APOLD1: variants seen among roughly 807,000 people sequenced by gnomAD.
APOLD1 encodes the protein apolipoprotein L domain containing 1, also known as apolipoprotein L domain-containing protein 1.
Under a neutral mutation model 15.3 loss-of-function variants are expected in APOLD1, and 22 were observed. The observed-to-expected ratio is 1.44, with a 90% CI of 1.03 to 2.05. The LOEUF (loss-of-function observed/expected upper bound fraction) is 2.05. Ranked by LOEUF, APOLD1 falls within the 30% of genes most tolerant of loss-of-function variation. The pLI is 0.00. For missense variants in APOLD1, 394 were observed against 353.5 expected, an observed-to-expected ratio of 1.11 and a Z score of -0.92; for synonymous variants, 190 against 167.4, an observed-to-expected ratio of 1.13 and a Z score of -1.04.
chr12:12,778,346 G>A (rs1288469255), intron 1 of APOLD1, among the ~76,000 whole-genome samples: 1 of 151,392 alleles, frequency 6.6e-6, no homozygotes, highest in Non-Finnish European at 1.5e-5. Context: ...TTGAGACAGG[G>A]TCTCAGTCTG....
At chr12:12,732,890 CA>C (rs2136368590) in intron 1 of APOLD1, among the ~76,000 whole-genome samples, 1 of 151,922 alleles carries the variant, frequency 6.6e-6, no homozygotes, top group Admixed American at 6.6e-5. Flanking sequence ...AAAGAGTAAA[CA>C]ACCAAATAAA....
chr12:12,754,620 G>C (rs991159315), intron 1 of APOLD1, among the ~76,000 whole-genome samples: 6 of 151,990 alleles, frequency 3.9e-5, no homozygotes, highest in Admixed American at 2.0e-4. Context: ...TAGTAGAGAC[G>C]GGGTTTTACC....
At chr12:12,777,912 T>G (rs956714171) in intron 1 of APOLD1, among the ~76,000 whole-genome samples, 8 of 135,936 alleles carry the variant, frequency 5.9e-5, no homozygotes, top group South Asian at 2.4e-4. Context: ...TTTTTTTTTT[T>G]TTTTTTTTTT....
chr12:12,726,216 C>T, intron 1 of APOLD1: 2 of 735,878 alleles, frequency 2.7e-6, no homozygotes, highest in Non-Finnish European at 4.4e-6. Flanking sequence ...TTTCAACCGC[C>T]ACTCAGAACC....
intron 1 of APOLD1, among the ~76,000 whole-genome samples, chr12:12,765,027 A>G (rs1336901281): frequency 6.6e-6 from 1 of 152,094 alleles, no homozygotes; most frequent in African/African-American, 2.4e-5. Context: ...ATTTCCAGCC[A>G]TGTAGAGGAA....
At position 12,787,531 on chromosome 12, in the gene APOLD1, G is replaced by GC; in HGVS notation, c.627dup (p.Thr210HisfsTer32). On this transcript the variant is annotated frameshift_variant, in exon 2 of 2. Transcript: ENST00000356591. LOFTEE classifies it high-confidence loss of function. This position sits in a 1 kb window ranked among gnomAD's most constrained non-coding sequence, Gnocchi z 4.9. The stretch of plus-strand genomic sequence containing the variant: ...AAACTGGCCGAGAGCCTGGAGTCCT[G>GC]CACCGGGGCTCTGGACGAACTCAGC... 6.2e-7 allele frequency: 1 copy of GC among 1,613,952 alleles called. No individual in the cohort carries two copies. Among genetic ancestry groups the GC allele is most frequent in the East Asian group, 2.2e-5 (1 of 44,888 alleles).
chr12:12,742,001 C>T (rs964048301), intron 1 of APOLD1, among the ~76,000 whole-genome samples: 14 of 152,026 alleles, frequency 9.2e-5, no homozygotes, highest in Non-Finnish European at 1.3e-4. Context: ...ACTTTCTGCC[C>T]GATTAAAAGA....
At chr12:12,782,630 G>A (rs57970886), upstream of APOLD1, among the ~76,000 whole-genome samples, 88 of 152,270 alleles carry the variant, frequency 5.8e-4, 1 homozygote, top group East Asian at 0.016. Flanking sequence ...TGGTGCCATT[G>A]CACTCCCACT....
chr12:12,730,639 C>T (rs1328798851), intron 1 of APOLD1, among the ~76,000 whole-genome samples: 1 of 144,524 alleles, frequency 6.9e-6, no homozygotes, highest in African/African-American at 2.6e-5. Context: ...TGAGATCATG[C>T]CATTGTGCTC....
At chr12:12,749,792 G>A (rs1486333905) in intron 1 of APOLD1, among the ~76,000 whole-genome samples, 2 of 152,186 alleles carry the variant, frequency 1.3e-5, no homozygotes, top group Non-Finnish European at 2.9e-5. Flanking sequence ...ACTGTGGAGT[G>A]TACTTTCGTT....
At chr12:12,750,944 T>G (rs1946808685) in intron 1 of APOLD1, among the ~76,000 whole-genome samples, 2 of 149,276 alleles carry the variant, frequency 1.3e-5, no homozygotes, top group African/African-American at 4.9e-5. Flanking sequence ...CTGGCTAATT[T>G]TTTTTTTTTT....
chr12:12,766,343 C>T (rs1946942554), intron 1 of APOLD1, among the ~76,000 whole-genome samples: 1 of 152,034 alleles, frequency 6.6e-6, no homozygotes, highest in Non-Finnish European at 1.5e-5. Context: ...TACCAAGATA[C>T]TGGAATATTT....
intron 1 of APOLD1, among the ~76,000 whole-genome samples, chr12:12,761,830 T>TAGAGAGAGAG (rs6144616): frequency 0.063 from 7,264 of 114,502 alleles, 417 homozygotes; most frequent in African/African-American, 0.1. Context: ...TGTATATGTA[T>TAGAGAGAGAG]AGAGAGAGAG....
intron 1 of APOLD1, among the ~76,000 whole-genome samples, chr12:12,750,847 T>A (rs980654984): frequency 1.3e-5 from 2 of 152,224 alleles, no homozygotes; most frequent in South Asian, 4.2e-4. Context: ...TGATCACAGT[T>A]CACTGCAGCC....
At chr12:12,774,186 G>T (rs1422152250) in intron 1 of APOLD1, among the ~76,000 whole-genome samples, 1 of 152,076 alleles carries the variant, frequency 6.6e-6, no homozygotes, top group Non-Finnish European at 1.5e-5. Context: ...ATTTGCAAAA[G>T]ACATATTTGA....
At chr12:12,753,359 T>C (rs762796517) in intron 1 of APOLD1, among the ~76,000 whole-genome samples, 16 of 152,156 alleles carry the variant, frequency 1.1e-4, no homozygotes, top group Non-Finnish European at 2.1e-4. Flanking sequence ...ATTTGAATGA[T>C]TGTTGAAATA....
chr12:12,774,551 A>C (rs1441010094), intron 1 of APOLD1, among the ~76,000 whole-genome samples: 1 of 81,344 alleles, frequency 1.2e-5, no homozygotes, highest in Non-Finnish European at 2.5e-5. Flanking sequence ...AACTCCAAAA[A>C]AAAAAAAAAA....
In APOLD1 at chr12:12,726,012, GC is replaced by G. The variant is rs1224800439; in HGVS notation, c.14del (p.Pro5ArgfsTer81). On this transcript the variant is annotated frameshift_variant, in exon 1 of 2. Coordinates refer to the APOLD1 transcript ENST00000326765. LOFTEE classifies it high-confidence loss of function. ...CAACTCGTTCACGGATGTTCCGCGC[GC>G]CGTGTCACCGGCTGCGGGCCAGGGG... The G allele has an allele frequency of 3.3e-6, 5 of 1,519,992 alleles. No homozygotes were observed. Among genetic ancestry groups the G allele is most frequent in the Non-Finnish European group, 1.8e-6 (2 of 1,131,072 alleles). The allele number at this position is 1,519,992 out of a possible 1,614,324, so 94.2% of individuals were successfully genotyped here. A position where few individuals can be genotyped will look rare whatever the true frequency, so the allele number is the denominator to read the frequency against.
chr12:12,728,034 C>T (rs937445072), intron 1 of APOLD1, among the ~76,000 whole-genome samples: 8 of 152,158 alleles, frequency 5.3e-5, no homozygotes, highest in Non-Finnish European at 1.2e-4. Flanking sequence ...TGGGCATGAG[C>T]ATGGCTCACT....
Sources: gnomAD v4.1 joint callset for allele counts (sites outside exome capture counted in the v4.1 genomes callset) on GRCh38, gnomAD v4.1.1 for gene constraint, Gnocchi (gnomAD v3.1) non-coding constraint, MANE v1.5 for transcripts, NCBI Gene and HGNC (gene_info 2026-07-23, HGNC 2026-07-21) for gene names.